The following LGR5 variants were observed in gnomAD, a reference collection of about 807,000 sequenced individuals.
The protein encoded by LGR5 is leucine-rich repeat-containing G protein-coupled receptor 5.
A neutral mutation model predicts 76.7 loss-of-function variants in LGR5; 54 were observed. The ratio of observed to expected loss-of-function variants is 0.70; its 90% CI spans 0.57 to 0.88. LGR5 has a LOEUF of 0.88. Among genes scored for constraint, LGR5 ranks in the 40% least tolerant of loss-of-function variants. The pLI is 0.00. For synonymous variants in LGR5, 406 were observed against 421.9 expected (o/e 0.96, Z 0.46); for missense variants, 1,078 against 1,073.3 (o/e 1.00, Z -0.06).
In LGR5 at chr12:71,584,698, C is replaced by T; in HGVS notation, c.2688C>T (p.Cys896=). 1 of 1,612,948 alleles carries T rather than the reference C, an allele frequency of 6.2e-7. No individual in the cohort carries two copies. The highest frequency in any genetic ancestry group is 2.2e-5 in the East Asian group (1 of 44,838). ...PSPAYPVTES[C]HLSSVAFVPC... is the part of the protein sequence containing the mutation. ...CAGCTTATCCAGTGACTGAGAGCTG[C>T]CATCTTTCCTCTGTGGCATTTGTCC... Residue 896 remains cysteine, a synonymous_variant, in exon 18 of 18, where the codon TGC becomes TGT. Transcript: ENST00000266674.
At chr12:71,536,736 C>T (rs1383044451) in intron 4 of LGR5, among the ~76,000 whole-genome samples, 1 of 152,162 alleles carries the variant, frequency 6.6e-6, no homozygotes, top group Non-Finnish European at 1.5e-5. Context: ...AAACAGAACA[C>T]AAACAGAAGT....
rs369404015 is a variant in LGR5 at position 71,566,487 on chromosome 12, T to A, written c.929+12T>A. 7.0e-6 allele frequency: 11 copies of A among 1,582,514 alleles called. No individual in the cohort carries two copies. In the Admixed American group the frequency reaches 1.0e-4, roughly 14 times the overall value. On this transcript the variant is annotated intron_variant, in intron 9 of 17. Coordinates refer to ENST00000266674, the MANE Select transcript of LGR5 (RefSeq NM_003667.4). ...GAACTAAGAACACTGTAAGTTTCTATGTCTCTTATGGATCACTTTCCCTCT... is the reference window on the plus strand; with the variant it reads ...GAACTAAGAACACTGTAAGTTTCTAAGTCTCTTATGGATCACTTTCCCTCT...
intron 1 of LGR5, among the ~76,000 whole-genome samples, chr12:71,479,705 G>A (rs751225693): frequency 8.5e-5 from 13 of 152,070 alleles, no homozygotes; most frequent in Non-Finnish European, 1.6e-4. Context: ...TGGAAGGGAC[G>A]GTGGGGTGCA....
At chr12:71,463,057 T>G (rs1592462011) in intron 1 of LGR5, among the ~76,000 whole-genome samples, 1 of 152,322 alleles carries the variant, frequency 6.6e-6, no homozygotes, top group Middle Eastern at 3.4e-3. Flanking sequence ...AATTTAGTAT[T>G]ATGGTTTTAG....
chr12:71,477,334 A>G (rs1269508849), intron 1 of LGR5, among the ~76,000 whole-genome samples: 1 of 152,058 alleles, frequency 6.6e-6, no homozygotes, highest in Non-Finnish European at 1.5e-5. Context: ...CCTCTGGGAA[A>G]TGGGAATCAG....
rs1412892173 is a variant in LGR5, at chr12:71,440,084, G to A, written c.4G>A (p.Asp2Asn). 1 of 1,602,308 alleles carries A rather than the reference G, an allele frequency of 6.2e-7. No individual in the cohort carries two copies. The highest frequency in any genetic ancestry group is 8.5e-7 in the Non-Finnish European group (1 of 1,179,852). The change falls in exon 1 of 18, where the codon GAC becomes AAC. Residue 2 changes from aspartate to asparagine, a missense_variant. Coordinates refer to ENST00000266674, the MANE Select transcript of LGR5 (RefSeq NM_003667.4). This position sits in a 1 kb window ranked among gnomAD's most constrained non-coding sequence, Gnocchi z 5.3. MDTSRLGVLLSL... is the reference protein window; with the variant it reads MNTSRLGVLLSL... Reference sequence around the variant, plus strand: ...GTGGCCCCCTACTTCGGGCACCATGGACACCTCCCGGCTCGGTGTGCTCCT... The same window carrying A: ...GTGGCCCCCTACTTCGGGCACCATGAACACCTCCCGGCTCGGTGTGCTCCT...
intron 1 of LGR5, among the ~76,000 whole-genome samples, chr12:71,500,284 G>A (rs139002665): frequency 7.0e-4 from 106 of 152,164 alleles, no homozygotes; most frequent in Admixed American, 1.3e-3. Context: ...CCTCAGTTTC[G>A]AGTTGTAGAG....
chr12:71,446,419 A>C (rs968966391), intron 1 of LGR5, among the ~76,000 whole-genome samples: 1 of 152,232 alleles, frequency 6.6e-6, no homozygotes, highest in African/African-American at 2.4e-5. Flanking sequence ...TCGGCACTAA[A>C]TACTTCACTC....
chr12:71,542,843 A>G (rs1876952422), intron 4 of LGR5, among the ~76,000 whole-genome samples: 1 of 152,042 alleles, frequency 6.6e-6, no homozygotes, highest in African/African-American at 2.4e-5. Context: ...GATGTCACAT[A>G]GTTTGAAATC....
At chr12:71,582,618 T>C (rs1879141608) in intron 17 of LGR5, 79 bp downstream of exon 17, 1 of 1,101,368 alleles carries the variant, frequency 9.1e-7, no homozygotes, top group Non-Finnish European at 1.4e-6. Context: ...ACAGCTATAC[T>C]TTAAAAGCCG....
In LGR5 at chr12:71,499,590, G is replaced by A. The variant is rs919133087; in HGVS notation, c.213-5024G>A. 2.6e-5 allele frequency among the ~76,000 whole-genome samples: 4 copies of A among 152,074 alleles called. No individual in the cohort carries two copies. In the East Asian group the frequency reaches 5.8e-4, roughly 22 times the overall value. ...TTTCCTCCCAGAGGCAGGAGCCAAC[G>A]GAAGTTCTCAGATAGTGCTGTCCTG... On this transcript the variant is annotated intron_variant, in intron 1 of 17. Transcript: ENST00000266674.
intron 1 of LGR5, among the ~76,000 whole-genome samples, chr12:71,489,119 A>G (rs1873955853): frequency 1.3e-5 from 2 of 152,220 alleles, no homozygotes; most frequent in South Asian, 2.1e-4. Flanking sequence ...CCATTTGTAG[A>G]TGTTTAAATG....
At chr12:71,553,486 T>C (rs1159099698) in intron 5 of LGR5, among the ~76,000 whole-genome samples, 198 bp downstream of exon 5, 1 of 152,102 alleles carries the variant, frequency 6.6e-6, no homozygotes, top group African/African-American at 2.4e-5. Context: ...ACCTGCTAGA[T>C]GCCAAGCACA....
chr12:71,503,220 A>G (rs898333704), intron 1 of LGR5, among the ~76,000 whole-genome samples: 1 of 135,750 alleles, frequency 7.4e-6, no homozygotes, highest in Admixed American at 7.0e-5. Flanking sequence ...ATGTTTGCCA[A>G]AAAAAATGAA....
At chr12:71,512,255 G>T (rs993455846) in intron 2 of LGR5, among the ~76,000 whole-genome samples, 14 of 152,130 alleles carry the variant, frequency 9.2e-5, no homozygotes, top group African/African-American at 3.1e-4. Flanking sequence ...CTCCCAAACC[G>T]CTGGGATTAC....
chr12:71,490,086 C>A (rs1282152945), intron 1 of LGR5, among the ~76,000 whole-genome samples: 1 of 150,274 alleles, frequency 6.7e-6, no homozygotes, highest in African/African-American at 2.5e-5. Flanking sequence ...GCCATGATCA[C>A]ACCACTATCC....
chr12:71,475,507 G>A (rs890011500), intron 1 of LGR5, among the ~76,000 whole-genome samples: 3 of 152,108 alleles, frequency 2.0e-5, no homozygotes, highest in Admixed American at 1.3e-4. Context: ...GCCTCCTAAT[G>A]GGTCGTGTTG....
At chr12:71,562,489 C>T (rs981144967) in intron 8 of LGR5, among the ~76,000 whole-genome samples, 2 of 152,124 alleles carry the variant, frequency 1.3e-5, no homozygotes, top group African/African-American at 2.4e-5. Flanking sequence ...GCAGGAGGAT[C>T]ACTTGAGCTC....
chr12:71,536,973 C>T (rs963658677), intron 4 of LGR5, among the ~76,000 whole-genome samples: 6 of 152,122 alleles, frequency 3.9e-5, no homozygotes, highest in African/African-American at 1.2e-4. Context: ...TTGACACTGA[C>T]CACATCCAAA....
Sources: gnomAD v4.1 joint callset for allele counts (sites outside exome capture counted in the v4.1 genomes callset) on GRCh38, gnomAD v4.1.1 for gene constraint, Gnocchi (gnomAD v3.1) non-coding constraint, MANE v1.5 for transcripts, NCBI Gene and HGNC (gene_info 2026-07-23, HGNC 2026-07-21) for gene names.